The following EIF4E variants were observed in gnomAD, a reference collection of about 807,000 sequenced individuals.
The protein encoded by EIF4E is eukaryotic translation initiation factor 4E, also known as eIF-4F 25 kDa subunit.
For missense variants in EIF4E, 113 were observed against 265.6 expected (o/e 0.43, Z 3.99); for synonymous variants, 71 against 88.5 (o/e 0.80, Z 1.11).
chr4:98,903,221 C>A (rs1277319461), intron 1 of EIF4E, among the ~76,000 whole-genome samples: 1 of 152,080 alleles, frequency 6.6e-6, no homozygotes, highest in Non-Finnish European at 1.5e-5. Flanking sequence ...AAGGGCAATG[C>A]AACAAGTGTT....
In EIF4E at chr4:98,911,830, T is replaced by C. The variant is rs1017144269; in HGVS notation, c.19-9848A>G. ...CAACATCACAAATTCAGTCTGGGTTTGGGGAGGTGATAACACAGACACAAG... is the reference window on the plus strand; with the variant it reads ...CAACATCACAAATTCAGTCTGGGTTCGGGGAGGTGATAACACAGACACAAG... On this transcript the variant is annotated intron_variant, in intron 1 of 6. Coordinates refer to ENST00000450253, the MANE Select transcript of EIF4E (RefSeq NM_001968.5). Among the ~76,000 whole-genome samples the C allele has an allele frequency of 3.3e-5, 5 of 151,000 alleles. No homozygotes were observed. The Admixed American group carries it at 3.3e-4, about 10-fold the overall frequency.
At chr4:98,920,379 C>T (rs1579185360) in intron 1 of EIF4E, among the ~76,000 whole-genome samples, 1 of 151,970 alleles carries the variant, frequency 6.6e-6, no homozygotes, top group African/African-American at 2.4e-5. Context: ...CGGCTCACTG[C>T]AACCTCCACC....
At chr4:98,900,912 G>A (rs981617178) in intron 2 of EIF4E, among the ~76,000 whole-genome samples, 9 of 152,158 alleles carry the variant, frequency 5.9e-5, no homozygotes, top group East Asian at 5.8e-4. Context: ...CCTGGCTCTC[G>A]TTTCTCATTC....
At chr4:98,929,007 C>T in intron 1 of EIF4E, 88 bp downstream of exon 1, 2 of 1,565,688 alleles carry the variant, frequency 1.3e-6, no homozygotes, top group Middle Eastern at 1.7e-4. Flanking sequence ...ACAGTGCGCG[C>T]CGGGAACGCC....
In EIF4E at chr4:98,880,294, CAT is replaced by C. The variant is rs1455892891; in HGVS notation, c.*732_*733del. ...AATTATGTTTAGGAAATCACACAAA[CAT>C]AGATCACTGATTTGAATGAAATGCA... On this transcript the variant is annotated 3_prime_UTR_variant, in exon 7 of 7. Transcript: ENST00000450253. 7.7e-6 allele frequency: 1 copy of C among 130,062 alleles called. No homozygotes were observed. The highest frequency in any genetic ancestry group is 1.6e-5 in the Non-Finnish European group (1 of 62,142). 8.1% of individuals were successfully genotyped at this position (130,062 alleles called of 1,614,324 possible).
intron 1 of EIF4E, among the ~76,000 whole-genome samples, chr4:98,913,299 CTGTAACAACTTCT>C (rs1725232713): frequency 6.6e-6 from 1 of 151,874 alleles, no homozygotes. Context: ...ATTTTGTTTT[CTGTAACAACTTCT>C]TATCCAACAA....
intron 1 of EIF4E, among the ~76,000 whole-genome samples, chr4:98,919,534 C>T (rs1725556104): frequency 6.6e-6 from 1 of 151,146 alleles, no homozygotes; most frequent in South Asian, 2.1e-4. Flanking sequence ...CATTTGCACA[C>T]ACCAGAATTT....
intron 2 of EIF4E, among the ~76,000 whole-genome samples, chr4:98,899,279 A>C (rs1380290641): frequency 1.3e-5 from 2 of 152,218 alleles, no homozygotes; most frequent in South Asian, 2.1e-4. Context: ...AGAAGAACTG[A>C]ATAATCTGTC....
intron 2 of EIF4E, among the ~76,000 whole-genome samples, chr4:98,901,322 C>T (rs998893940): frequency 2.0e-5 from 3 of 152,092 alleles, no homozygotes; most frequent in Admixed American, 6.5e-5. Flanking sequence ...CTCAGCCTCC[C>T]GAGCAGCTGG....
intron 6 of EIF4E, among the ~76,000 whole-genome samples, chr4:98,882,353 T>C (rs1053618528): frequency 4.4e-5 from 6 of 136,194 alleles, no homozygotes; most frequent in Non-Finnish European, 7.6e-5. Context: ...AGTGAGACTG[T>C]GCCACTGCAC....
intron 3 of EIF4E, among the ~76,000 whole-genome samples, chr4:98,888,154 T>A (rs993103892): frequency 6.6e-6 from 1 of 152,116 alleles, no homozygotes; most frequent in African/African-American, 2.4e-5. Context: ...ACAGGTATAA[T>A]TTTCAAAAAA....
intron 1 of EIF4E, among the ~76,000 whole-genome samples, chr4:98,919,552 C>T (rs1458738321): frequency 6.9e-6 from 1 of 145,186 alleles, no homozygotes; most frequent in South Asian, 2.2e-4. Context: ...TTTCTAGATT[C>T]TTTTTCTTTT....
rs1358470398 is a variant in EIF4E at position 98,929,076 on chromosome 4, G to A, written c.18+19C>T. ...GAGCGCGGGGACCCGTGGGGGTGGG[G>A]GCCAAAGGCAATACTCACCGGTTCG... On this transcript the variant is annotated intron_variant, in intron 1 of 6. Coordinates refer to ENST00000450253, the MANE Select transcript of EIF4E (RefSeq NM_001968.5). 24 of 1,581,246 alleles carry A rather than the reference G, an allele frequency of 1.5e-5. No individual in the cohort carries two copies. The highest frequency in any genetic ancestry group is 1.4e-4 in the South Asian group (12 of 86,724).
At chr4:98,882,407 A>AG (rs1723737558) in intron 6 of EIF4E, among the ~76,000 whole-genome samples, 1 of 151,280 alleles carries the variant, frequency 6.6e-6, no homozygotes, top group African/African-American at 2.4e-5. Context: ...AAAAAAAAAA[A>AG]AAAAAAAGAA....
At position 98,929,101 on chromosome 4, in the gene EIF4E, G is replaced by A. The variant is rs764172724; in HGVS notation, c.12C>T (p.Val4=). The A allele has an allele frequency of 1.3e-6, 2 of 1,580,680 alleles. No homozygotes were observed. Among genetic ancestry groups the A allele is most frequent in the Non-Finnish European group, 1.7e-6 (2 of 1,163,106 alleles). The change falls in exon 1 of 7, where the codon GTC becomes GTT. Residue 4 remains valine, a synonymous_variant. Coordinates refer to ENST00000450253, the MANE Select transcript of EIF4E (RefSeq NM_001968.5). MAT[V]EPETTPTPNP... The stretch of plus-strand genomic sequence containing the variant: ...GGCCAAAGGCAATACTCACCGGTTC[G>A]ACAGTCGCCATCTTAGATCGATCTG...
chr4:98,902,616 A>G (rs902560838), intron 1 of EIF4E, among the ~76,000 whole-genome samples: 14 of 152,154 alleles, frequency 9.2e-5, no homozygotes, highest in African/African-American at 3.4e-4. Flanking sequence ...TATCTTTCTT[A>G]ACATACCATC....
chr4:98,928,483 C>T (rs1451781293), intron 1 of EIF4E, among the ~76,000 whole-genome samples: 4 of 152,114 alleles, frequency 2.6e-5, no homozygotes, highest in Non-Finnish European at 4.4e-5. Flanking sequence ...AGACGCTCGC[C>T]CCTCTCAACT....
In EIF4E at chr4:98,907,624, A is replaced by C. The variant is rs567524100; in HGVS notation, c.19-5642T>G. 3.3e-5 allele frequency among the ~76,000 whole-genome samples: 5 copies of C among 152,338 alleles called. No individual in the cohort carries two copies. The East Asian group carries it at 9.6e-4, about 29-fold the overall frequency. ...TCCCAGGTTTATCAGTCCCTGATGC[A>C]CTAGGAGCCATACTGCAAAATGGGT... On this transcript the variant is annotated intron_variant, in intron 1 of 6. Transcript: ENST00000450253.
At chr4:98,890,202 T>C (rs897343328) in intron 3 of EIF4E, among the ~76,000 whole-genome samples, 1 of 152,202 alleles carries the variant, frequency 6.6e-6, no homozygotes, top group Non-Finnish European at 1.5e-5. Context: ...TACATACATA[T>C]GTATAAATTT....
Sources: gnomAD v4.1 joint callset for allele counts (sites outside exome capture counted in the v4.1 genomes callset) on GRCh38, gnomAD v4.1.1 for gene constraint, MANE v1.5 for transcripts, NCBI Gene and HGNC (gene_info 2026-07-23, HGNC 2026-07-21) for gene names.